The following CCDC18 variants were observed in gnomAD, a reference collection of about 807,000 sequenced individuals.
The protein encoded by CCDC18 is coiled-coil domain containing 18, also known as coiled-coil domain-containing protein 18.
CCDC18 carries 157 observed loss-of-function variants against 196.0 expected under a neutral mutation model. The observed-to-expected ratio is 0.80, with a 90% confidence interval of 0.70 to 0.91. The LOEUF is 0.91. Ranked by LOEUF, CCDC18 falls within the 40% of genes least tolerant of loss-of-function variation. The pLI, the probability that CCDC18 is intolerant of heterozygous loss-of-function variation, is 0.00. For synonymous variants in CCDC18, 482 were observed against 529.2 expected, an observed-to-expected ratio of 0.91 and a Z score of 1.22; for missense variants, 1,465 against 1,611.6, an observed-to-expected ratio of 0.91 and a Z score of 1.56.
intron 7 of CCDC18, 22 bp downstream of exon 7, chr1:93,202,010 T>C (rs1232172841): frequency 6.8e-7 from 1 of 1,468,262 alleles, no homozygotes; most frequent in South Asian, 1.2e-5. Context: ...TTGTGCAAAT[T>C]CAGTGTTTTG....
chr1:93,227,320 G>A (rs1249675153), intron 17 of CCDC18, among the ~76,000 whole-genome samples: 3 of 150,630 alleles, frequency 2.0e-5, no homozygotes, highest in Admixed American at 6.6e-5. Context: ...TGCCACGCCC[G>A]GCTAATTTTT....
intron 6 of CCDC18, among the ~76,000 whole-genome samples, chr1:93,195,193 AAGTG>A (rs1011594917): frequency 2.6e-5 from 4 of 152,132 alleles, no homozygotes; most frequent in Admixed American, 1.3e-4. Context: ...TGGCTTCACA[AAGTG>A]AGTAAGTGGG....
chr1:93,211,150 C>T (rs111628734), intron 10 of CCDC18, among the ~76,000 whole-genome samples: 188 of 151,730 alleles, frequency 1.2e-3, no homozygotes, highest in African/African-American at 2.4e-3. Context: ...TGGTGGCACG[C>T]GCCTGTAATC....
At chr1:93,189,612 T>C (rs1557600594) in intron 4 of CCDC18, among the ~76,000 whole-genome samples, 1 of 152,206 alleles carries the variant, frequency 6.6e-6, no homozygotes, top group African/African-American at 2.4e-5. Context: ...TTCCCTTTTT[T>C]CCACATTCAT....
At chr1:93,187,262 G>T (rs1159336051) in intron 4 of CCDC18, among the ~76,000 whole-genome samples, 3 of 151,950 alleles carry the variant, frequency 2.0e-5, no homozygotes, top group African/African-American at 7.2e-5. Context: ...TGACTTGTAT[G>T]GAGCATTATA....
At chr1:93,273,289 C>G (rs539480462) in intron 28 of CCDC18, among the ~76,000 whole-genome samples, 1 of 152,110 alleles carries the variant, frequency 6.6e-6, no homozygotes, top group African/African-American at 2.4e-5. Context: ...AGGATGGTCT[C>G]GATCTCCTGA....
At chr1:93,210,673 T>A in intron 9 of CCDC18, 129 bp from the exon 10 acceptor site, 1 of 606,652 alleles carries the variant, frequency 1.6e-6, no homozygotes, top group Non-Finnish European at 2.9e-6. Context: ...TATTTATATA[T>A]TCTCCTATTG....
chr1:93,203,516 G>C (rs933584859), intron 7 of CCDC18, among the ~76,000 whole-genome samples: 2 of 152,166 alleles, frequency 1.3e-5, no homozygotes, highest in African/African-American at 4.8e-5. Context: ...TACCCTGGGA[G>C]ATAAAGAACA....
chr1:93,183,520 A>T lies in CCDC18; in HGVS notation c.134+25A>T, dbSNP rs777925810. On this transcript the variant is annotated intron_variant, in intron 2 of 28. Coordinates refer to ENST00000690025, the MANE Select transcript of CCDC18 (RefSeq NM_001378204.1). ...GGTAAGTAAGTAAAATCACATATAGAATTCACTGTGCCTTAAATACATCAA... is the reference window on the plus strand; with the variant it reads ...GGTAAGTAAGTAAAATCACATATAGTATTCACTGTGCCTTAAATACATCAA... 18 of 1,551,462 alleles carry T rather than the reference A, an allele frequency of 1.2e-5. No individual in the cohort carries two copies. The East Asian group carries it at 1.6e-4, about 14-fold the overall frequency.
chr1:93,278,107 C>A (rs1665731496), intron 28 of CCDC18, among the ~76,000 whole-genome samples: 1 of 152,054 alleles, frequency 6.6e-6, no homozygotes, highest in South Asian at 2.1e-4. Flanking sequence ...CTGCCTTAGC[C>A]TCCTGACTAG....
intron 6 of CCDC18, among the ~76,000 whole-genome samples, chr1:93,198,742 G>T (rs1653233887): frequency 2.0e-5 from 3 of 152,080 alleles, no homozygotes; most frequent in South Asian, 4.2e-4. Context: ...CCAACTACTG[G>T]GCTCAAGTGA....
At chr1:93,194,693 A>G (rs902321985) in intron 6 of CCDC18, among the ~76,000 whole-genome samples, 2 of 152,250 alleles carry the variant, frequency 1.3e-5, no homozygotes, top group Non-Finnish European at 2.9e-5. Flanking sequence ...ATACTCTAGA[A>G]TTCACACTTC....
intron 5 of CCDC18, among the ~76,000 whole-genome samples, chr1:93,192,325 T>C (rs1369906018): frequency 6.6e-6 from 1 of 152,264 alleles, no homozygotes; most frequent in Non-Finnish European, 1.5e-5. Flanking sequence ...GTGAGATGCC[T>C]ATTTACATGC....
intron 17 of CCDC18, 39 bp downstream of exon 17, chr1:93,226,488 A>G: frequency 1.2e-6 from 1 of 852,416 alleles, no homozygotes; most frequent in Non-Finnish European, 1.9e-6. Flanking sequence ...ATATATTTCA[A>G]GTGATTTTTT....
chr1:93,258,778 C>G lies in CCDC18; in HGVS notation c.3577C>G (p.Leu1193Val). ...DAHGNHLAEE[L>V]GASKVREAHL... The stretch of plus-strand genomic sequence containing the variant: ...TCATGGAAACCATTTAGCTGAAGAA[C>G]TGGGGGCTTCTAAAGTACGTGAAGC... Residue 1193 changes from leucine to valine, a missense_variant, in exon 26 of 29, where the codon CTG (leucine) becomes GTG (valine). Physicochemically the swap from Leu to Val is conservative, Grantham distance 32. Transcript: ENST00000690025. 6.3e-7 allele frequency: 1 copy of G among 1,577,844 alleles called. No homozygotes were observed. Among genetic ancestry groups the G allele is most frequent in the Non-Finnish European group, 8.6e-7 (1 of 1,163,612 alleles).
chr1:93,256,292 A>G, intron 24 of CCDC18, 43 bp from the exon 25 acceptor site: 1 of 1,540,642 alleles, frequency 6.5e-7, no homozygotes, highest in Non-Finnish European at 8.9e-7. Context: ...TAGGTTATCT[A>G]TATATTTCAT....
chr1:93,191,476 A>T (rs1651790355), intron 4 of CCDC18, among the ~76,000 whole-genome samples: 2 of 152,062 alleles, frequency 1.3e-5, no homozygotes, highest in Non-Finnish European at 2.9e-5. Flanking sequence ...TTTTTCAGTG[A>T]TAGTTATCTT....
chr1:93,191,087 GAT>G, intron 4 of CCDC18: 4 of 522,220 alleles, frequency 7.7e-6, no homozygotes, highest in Non-Finnish European at 9.8e-6. Context: ...TCAGCAAGGA[GAT>G]TTTTTTTTTT....
intron 23 of CCDC18, among the ~76,000 whole-genome samples, chr1:93,252,643 G>A (rs1265914220): frequency 1.3e-5 from 2 of 152,122 alleles, no homozygotes; most frequent in Admixed American, 6.6e-5. Flanking sequence ...TGTTCATTTG[G>A]TAAGGTTGTA....
Sources: allele counts gnomAD v4.1 joint callset (sites outside exome capture counted in the v4.1 genomes callset), GRCh38; gene constraint gnomAD v4.1.1; transcripts MANE v1.5; gene names NCBI Gene and HGNC (gene_info 2026-07-23, HGNC 2026-07-21).